PPP6R2: variants seen among roughly 807,000 people sequenced by gnomAD.
PPP6R2 encodes protein phosphatase 6 regulatory subunit 2.
In PPP6R2, 62 loss-of-function variants were observed where a neutral mutation model predicts 100.2. The observed-to-expected ratio is 0.62, with a 90% CI of 0.50 to 0.76. PPP6R2 has a LOEUF of 0.76. Ranked by LOEUF, PPP6R2 falls within the 30% of genes least tolerant of loss-of-function variation. The probability of loss-of-function intolerance (pLI) is 0.00; values close to 1 mark genes in which losing one functional copy is unlikely to be tolerated. For synonymous variants in PPP6R2, 525 were observed against 514.7 expected, an observed-to-expected ratio of 1.02 and a Z score of -0.27; for missense variants, 1,142 against 1,276.3, an observed-to-expected ratio of 0.89 and a Z score of 1.60.
chr22:50,436,426 A>G lies in PPP6R2; in HGVS notation c.1576A>G (p.Thr526Ala). 6.3e-7 allele frequency: 1 copy of G among 1,593,138 alleles called. No individual in the cohort carries two copies. The highest frequency in any genetic ancestry group is 8.5e-7 in the Non-Finnish European group (1 of 1,171,364). ...CTTCGTGGAGGAGACGCTGACGGAG[A>G]CGAACCGCAGGAACACTGTGGACCT... The part of the protein sequence containing the change: ...ESFVEETLTE[T>A]NRRNTVDLVS... The change falls in exon 14 of 24, where the codon ACG (threonine) becomes GCG (alanine). Residue 526 changes from threonine (T) to alanine (A), a missense_variant. Coordinates refer to ENST00000612753, the MANE Select transcript of PPP6R2 (RefSeq NM_001242898.2).
At chr22:50,346,848 TTCTG>T (rs2043881438) in intron 1 of PPP6R2, among the ~76,000 whole-genome samples, 1 of 137,540 alleles carries the variant, frequency 7.3e-6, no homozygotes, top group Admixed American at 7.3e-5. Context: ...ATTATTTTCT[TTCTG>T]TCATGTCCCC....
chr22:50,443,241 AGTT>A (rs907504090), intron 22 of PPP6R2: 5 of 152,876 alleles, frequency 3.3e-5, no homozygotes, highest in Admixed American at 1.3e-4. Flanking sequence ...GTGCAAAGTA[AGTT>A]GTTTTTTTCC....
At chr22:50,434,908 C>G in intron 12 of PPP6R2, 58 bp from the exon 13 acceptor site, 3 of 1,483,910 alleles carry the variant, frequency 2.0e-6, no homozygotes, top group Non-Finnish European at 1.8e-6. Context: ...CTCTCTGGGT[C>G]GTGGGTCTGG....
At chr22:50,353,755 A>G (rs2045835885) in intron 1 of PPP6R2, among the ~76,000 whole-genome samples, 1 of 151,920 alleles carries the variant, frequency 6.6e-6, no homozygotes, top group Non-Finnish European at 1.5e-5. Context: ...ATGGAAATAA[A>G]CAGCAAGTAG....
chr22:50,393,357 A>T, intron 2 of PPP6R2: 1 of 983,576 alleles, frequency 1.0e-6, no homozygotes, highest in Non-Finnish European at 1.2e-6. Flanking sequence ...AGCTGTCTTG[A>T]TTTTGACTTG....
At chr22:50,338,051 G>A in the PPP6R2 span, among the ~76,000 whole-genome samples, 1 of 145,710 alleles carries the variant, frequency 6.9e-6, no homozygotes, top group Admixed American at 6.8e-5. Flanking sequence ...TATGTGTGGT[G>A]TGATGTGTGT....
intron 4 of PPP6R2, among the ~76,000 whole-genome samples, chr22:50,410,396 A>G (rs1248946191): frequency 6.6e-6 from 1 of 150,476 alleles, no homozygotes; most frequent in Non-Finnish European, 1.5e-5. Flanking sequence ...AGTTCTCTGT[A>G]TGGCAGTCTT....
the PPP6R2 span, among the ~76,000 whole-genome samples, chr22:50,333,031 T>C: frequency 2.0e-5 from 3 of 152,072 alleles, no homozygotes; most frequent in African/African-American, 7.2e-5. Flanking sequence ...TTCAGCTACT[T>C]GGGAGGCTGA....
At chr22:50,363,995 G>C (rs567691017) in intron 1 of PPP6R2, among the ~76,000 whole-genome samples, 1 of 151,640 alleles carries the variant, frequency 6.6e-6, no homozygotes, top group Non-Finnish European at 1.5e-5. Context: ...CCCGGGTTCA[G>C]GCGATTCTCC....
intron 1 of PPP6R2, among the ~76,000 whole-genome samples, chr22:50,371,505 GAAAAA>G (rs894726509): frequency 2.1e-5 from 3 of 142,270 alleles, no homozygotes; most frequent in Admixed American, 7.0e-5. Context: ...CTTTAAAAAA[GAAAAA>G]AAAAAGAAAA....
At chr22:50,398,985 C>T (rs921626674) in intron 3 of PPP6R2, among the ~76,000 whole-genome samples, 5 of 151,998 alleles carry the variant, frequency 3.3e-5, no homozygotes, top group Admixed American at 6.6e-5. Context: ...TGGTGGCTCA[C>T]GCCTGTAATC....
chr22:50,387,071 TA>T (rs1377465211), intron 2 of PPP6R2, among the ~76,000 whole-genome samples: 2 of 152,176 alleles, frequency 1.3e-5, no homozygotes, highest in Non-Finnish European at 2.9e-5. Context: ...ATCATTTATT[TA>T]TTTTTTGAGA....
At chr22:50,355,471 C>T (rs564851055) in intron 1 of PPP6R2, among the ~76,000 whole-genome samples, 107 of 151,156 alleles carry the variant, frequency 7.1e-4, no homozygotes, top group African/African-American at 2.4e-3. Flanking sequence ...CGTGATCGGC[C>T]GCCCGCCTTG....
the PPP6R2 span, among the ~76,000 whole-genome samples, chr22:50,335,203 C>T: frequency 6.7e-6 from 1 of 149,420 alleles, no homozygotes; most frequent in African/African-American, 2.5e-5. Flanking sequence ...AGGTGCCCGC[C>T]ACAACACCCG....
intron 21 of PPP6R2, 64 bp downstream of exon 21, chr22:50,440,113 C>T (rs1258685340): frequency 2.1e-6 from 3 of 1,460,636 alleles, no homozygotes; most frequent in African/African-American, 1.4e-5. Flanking sequence ...GCCAGCTGGC[C>T]CCCCTCCTTG....
intron 13 of PPP6R2, 38 bp from the exon 14 acceptor site, chr22:50,436,329 G>C: frequency 3.9e-6 from 6 of 1,544,574 alleles, no homozygotes; most frequent in South Asian, 3.6e-5. Flanking sequence ...ATCTGCACGG[G>C]GTCTCCCAGG....
chr22:50,435,961 G>A (rs965393821), intron 13 of PPP6R2, among the ~76,000 whole-genome samples: 1 of 152,222 alleles, frequency 6.6e-6, no homozygotes, highest in African/African-American at 2.4e-5. Context: ...AGGCCTGTAG[G>A]CTGCTGCTGA....
At chr22:50,434,788 G>A (rs1380926768) in intron 12 of PPP6R2, among the ~76,000 whole-genome samples, 178 bp from the exon 13 acceptor site, 3 of 138,498 alleles carry the variant, frequency 2.2e-5, no homozygotes, top group East Asian at 2.0e-4. Flanking sequence ...CTGGGCAGGG[G>A]CCGGGCATTT....
intron 3 of PPP6R2, among the ~76,000 whole-genome samples, chr22:50,401,987 C>T (rs910959176): frequency 6.6e-6 from 1 of 152,176 alleles, no homozygotes; most frequent in South Asian, 2.1e-4. Context: ...TTAATAAAAG[C>T]TTCAAGTTCT....
Sources: gnomAD v4.1 joint callset for allele counts (sites outside exome capture counted in the v4.1 genomes callset) on GRCh38, gnomAD v4.1.1 for gene constraint, MANE v1.5 for transcripts, NCBI Gene and HGNC (gene_info 2026-07-23, HGNC 2026-07-21) for gene names.